The following SYNE1 variants were observed in gnomAD, a reference collection of about 807,000 sequenced individuals.
SYNE1 encodes the protein spectrin repeat containing nuclear envelope protein 1.
In SYNE1, 616 loss-of-function variants were observed where a neutral mutation model predicts 1,111.0. The ratio of observed to expected loss-of-function variants is 0.55; its 90% CI spans 0.52 to 0.59. The LOEUF is 0.59. Among genes scored for constraint, SYNE1 ranks in the 20% least tolerant of loss-of-function variants. The probability of loss-of-function intolerance (pLI) is 0.00; values close to 1 mark genes in which losing one functional copy is unlikely to be tolerated. For synonymous variants in SYNE1, 3,855 were observed against 3,825.8 expected (o/e 1.01, Z -0.28); for missense variants, 10,006 against 10,417.0 (o/e 0.96, Z 1.72).
chr6:152,583,167 A>G (rs1002484985), intron 3 of SYNE1, among the ~76,000 whole-genome samples: 1 of 152,224 alleles, frequency 6.6e-6, no homozygotes, highest in African/African-American at 2.4e-5. Flanking sequence ...ATTTTGAGTT[A>G]CCTTTGCTCA....
chr6:152,359,506 A>G (rs755269179), intron 64 of SYNE1, 48 bp from the exon 65 acceptor site: 1 of 1,611,436 alleles, frequency 6.2e-7, no homozygotes, highest in Non-Finnish European at 8.5e-7. Context: ...GCACCATCAC[A>G]TCAACGACAC....
chr6:152,318,264 C>A lies in SYNE1; in HGVS notation c.16390-1G>T. ...AGCCATCTAATTCCTCTCCCAGCACCTTGATGGTCACCAAAATGAAAGAAC... is the reference window on the plus strand; with the variant it reads ...AGCCATCTAATTCCTCTCCCAGCACATTGATGGTCACCAAAATGAAAGAAC... On this transcript the variant is annotated splice_acceptor_variant, in intron 85 of 145. Coordinates refer to ENST00000367255, the MANE Select transcript of SYNE1 (RefSeq NM_182961.4). LOFTEE classifies it high-confidence loss of function. 3 of 1,614,128 alleles carry A rather than the reference C, an allele frequency of 1.9e-6. No individual in the cohort carries two copies. Among genetic ancestry groups the A allele is most frequent in the Non-Finnish European group, 1.7e-6 (2 of 1,180,010 alleles).
chr6:152,455,301 C>A, intron 24 of SYNE1, 125 bp downstream of exon 24: 1 of 1,042,128 alleles, frequency 9.6e-7, no homozygotes, highest in Non-Finnish European at 1.4e-6. Context: ...CCTAAAAAGT[C>A]TCTGCTTCCC....
chr6:152,152,268 GTCTAATAACGGTAC>G (rs2060565228), intron 133 of SYNE1, 127 bp from the exon 134 acceptor site: 1 of 839,448 alleles, frequency 1.2e-6, no homozygotes, highest in Non-Finnish European at 2.0e-6. Flanking sequence ...AAAGAATGAT[GTCTAATAACGGTAC>G]ACTTCCCCTT....
intron 3 of SYNE1, among the ~76,000 whole-genome samples, chr6:152,553,442 C>A (rs1484552217): frequency 6.6e-6 from 1 of 152,170 alleles, no homozygotes; most frequent in Admixed American, 6.5e-5. Flanking sequence ...CTCCCTTTCC[C>A]CCGTACTATA....
intron 106 of SYNE1, among the ~76,000 whole-genome samples, chr6:152,243,450 T>C (rs559793552): frequency 3.3e-5 from 5 of 152,190 alleles, no homozygotes; most frequent in African/African-American, 7.2e-5. Context: ...CAAAATTTAT[T>C]TGAGGCATAC....
At chr6:152,360,663 C>T (rs1473494205) in intron 64 of SYNE1, among the ~76,000 whole-genome samples, 1 of 152,054 alleles carries the variant, frequency 6.6e-6, no homozygotes, top group Non-Finnish European at 1.5e-5. Context: ...GGGCACAGTC[C>T]CTACATGTAG....
intron 83 of SYNE1, 128 bp downstream of exon 83, chr6:152,321,593 T>G (rs951415044): frequency 7.5e-7 from 1 of 1,325,552 alleles, no homozygotes; most frequent in Non-Finnish European, 1.0e-6. Context: ...ACTAAATATC[T>G]TTTATATAAC....
chr6:152,511,629 C>T (rs1328264225), intron 6 of SYNE1: 4 of 1,596,172 alleles, frequency 2.5e-6, no homozygotes, highest in Middle Eastern at 1.7e-4. Flanking sequence ...AATAGATATA[C>T]ATAAATCATC....
chr6:152,606,828 A>G (rs187045527), intron 3 of SYNE1, among the ~76,000 whole-genome samples: 136 of 142,540 alleles, frequency 9.5e-4, no homozygotes, highest in African/African-American at 3.3e-3. Flanking sequence ...TTTTTTTTAT[A>G]TATTTTTAGT....
At chr6:152,563,298 A>G (rs2099401046) in intron 3 of SYNE1, among the ~76,000 whole-genome samples, 1 of 152,076 alleles carries the variant, frequency 6.6e-6, no homozygotes, top group Non-Finnish European at 1.5e-5. Context: ...CTATAGCAAC[A>G]TCTCTATAAA....
chr6:152,130,755 T>A lies in SYNE1; in HGVS notation c.26118A>T (p.Ser8706=). ...QKTPRGKCSL[S]QPGPSVSSPH... Reference sequence around the variant, plus strand: ...GACTGCTGACAGAGGGTCCAGGCTGTGAGAGACTACACTTGCCTCGTGGCT... The same window carrying A: ...GACTGCTGACAGAGGGTCCAGGCTGAGAGAGACTACACTTGCCTCGTGGCT... Residue 8706 remains serine (S), a synonymous_variant, in exon 145 of 146, where the codon TCA becomes TCT. Coordinates refer to ENST00000367255, the MANE Select transcript of SYNE1 (RefSeq NM_182961.4). 1 of 1,614,072 alleles carries A rather than the reference T, an allele frequency of 6.2e-7. No homozygotes were observed.
chr6:152,396,054 A>G (rs531398308), intron 50 of SYNE1, among the ~76,000 whole-genome samples: 1 of 152,318 alleles, frequency 6.6e-6, no homozygotes, highest in South Asian at 2.1e-4. Context: ...TGCCAACAAG[A>G]TTACATTCTC....
chr6:152,268,269 C>T (rs1422847034), intron 99 of SYNE1, 104 bp from the exon 100 acceptor site: 31 of 895,718 alleles, frequency 3.5e-5, no homozygotes, highest in Non-Finnish European at 3.5e-5. Context: ...CGGTAGTGAG[C>T]TTTTAAGTTT....
chr6:152,310,358 G>T, intron 89 of SYNE1, 38 bp downstream of exon 89: 1 of 1,612,988 alleles, frequency 6.2e-7, no homozygotes. Context: ...AAAAATATAG[G>T]TCCCTGTCCC....
chr6:152,190,158 C>T (rs1331308852), intron 127 of SYNE1, among the ~76,000 whole-genome samples: 1 of 152,208 alleles, frequency 6.6e-6, no homozygotes, highest in East Asian at 1.9e-4. Context: ...CATGCCCAAT[C>T]TTGTCTGGTC....
intron 25 of SYNE1, among the ~76,000 whole-genome samples, 156 bp from the exon 26 acceptor site, chr6:152,451,361 T>G (rs1203083729): frequency 5.3e-5 from 8 of 151,954 alleles, no homozygotes; most frequent in African/African-American, 1.2e-4. Context: ...CTCTCTACTT[T>G]GTATTTTTCC....
chr6:152,354,887 C>T lies in SYNE1; in HGVS notation c.10698G>A (p.Gln3566=). Residue 3566 remains glutamine, a synonymous_variant, in exon 67 of 146, where the codon CAG becomes CAA. Coordinates refer to ENST00000367255, the MANE Select transcript of SYNE1 (RefSeq NM_182961.4). ...GAGACTCTAAAGCCCGGTCCTCTGC[C>T]TGTGGGATACCTGATGGGATCACAT... is the stretch of plus-strand genomic sequence containing the variant. The part of the protein sequence containing the change: ...REDVIPSGIP[Q]AEDRALESLR... 6.2e-7 allele frequency: 1 copy of T among 1,614,162 alleles called. No homozygotes were observed. The highest frequency in any genetic ancestry group is 8.5e-7 in the Non-Finnish European group (1 of 1,180,046).
At chr6:152,282,235 A>G (rs1235496114) in intron 96 of SYNE1, among the ~76,000 whole-genome samples, 1 of 152,214 alleles carries the variant, frequency 6.6e-6, no homozygotes, top group Non-Finnish European at 1.5e-5. Flanking sequence ...ATTCTCAAAT[A>G]ACATACCTAT....
Sources: allele counts gnomAD v4.1 joint callset (sites outside exome capture counted in the v4.1 genomes callset), GRCh38; gene constraint gnomAD v4.1.1; transcripts MANE v1.5; gene names NCBI Gene and HGNC (gene_info 2026-07-23, HGNC 2026-07-21).